The following CADM2 variants were observed in gnomAD, a reference collection of about 807,000 sequenced individuals.
The protein encoded by CADM2 is immunoglobulin superfamily member 4D.
CADM2 carries 12 observed loss-of-function variants against 49.8 expected under a neutral mutation model. The observed-to-expected ratio is 0.24, with a 90% CI of 0.15 to 0.39. The LOEUF (loss-of-function observed/expected upper bound fraction) is 0.39. Among genes scored for constraint, CADM2 ranks in the 10% least tolerant of loss-of-function variants. The probability of loss-of-function intolerance (pLI) is 1.00; values close to 1 mark genes in which losing one functional copy is unlikely to be tolerated. For synonymous variants in CADM2, 214 were observed against 175.4 expected (o/e 1.22, Z -1.74); for missense variants, 378 against 492.3 (o/e 0.77, Z 2.20).
chr3:85,290,879 G>T (rs561902176), intron 1 of CADM2, among the ~76,000 whole-genome samples: 1 of 152,206 alleles, frequency 6.6e-6, no homozygotes, highest in Admixed American at 6.5e-5. Flanking sequence ...AAAGCAGAGC[G>T]CCTCTCCTTC....
At chr3:85,914,327 A>T (rs541965096) in intron 6 of CADM2, among the ~76,000 whole-genome samples, 1 of 152,214 alleles carries the variant, frequency 6.6e-6, no homozygotes, top group South Asian at 2.1e-4. Context: ...TCCTGTGAGG[A>T]TGTGATGATA....
At chr3:85,108,271 G>C (rs1384064076) in intron 1 of CADM2, among the ~76,000 whole-genome samples, 1 of 152,166 alleles carries the variant, frequency 6.6e-6, no homozygotes, top group East Asian at 1.9e-4. Flanking sequence ...GTTTCTAGCA[G>C]CATTATTTAC....
At chr3:85,917,930 A>G (rs1038099875) in intron 6 of CADM2, among the ~76,000 whole-genome samples, 2 of 152,272 alleles carry the variant, frequency 1.3e-5, no homozygotes, top group Middle Eastern at 3.4e-3. Context: ...CTTTGAAGCA[A>G]TTGTGAATTG....
chr3:85,454,067 A>G (rs1351706593), intron 1 of CADM2, among the ~76,000 whole-genome samples: 1 of 152,296 alleles, frequency 6.6e-6, no homozygotes, highest in Non-Finnish European at 1.5e-5. Context: ...TTTAAAAAAT[A>G]CAAGCGGCTG....
chr3:85,802,350 G>A (rs983241662), intron 3 of CADM2, among the ~76,000 whole-genome samples, 154 bp downstream of exon 3: 2 of 152,054 alleles, frequency 1.3e-5, no homozygotes, highest in Admixed American at 1.3e-4. Flanking sequence ...ACTTTAGTTT[G>A]CAAGTCATAA....
intron 8 of CADM2, among the ~76,000 whole-genome samples, chr3:85,996,836 T>G (rs139888945): frequency 1.4e-4 from 22 of 152,296 alleles, no homozygotes; most frequent in African/African-American, 5.3e-4. Flanking sequence ...CCTAAACATC[T>G]AGTTTTAGTG....
intron 1 of CADM2, among the ~76,000 whole-genome samples, chr3:85,113,963 A>G (rs2038552610): frequency 1.3e-5 from 2 of 152,116 alleles, no homozygotes; most frequent in South Asian, 4.1e-4. Flanking sequence ...CCCCTCCACT[A>G]TAGATTCCTT....
intron 1 of CADM2, among the ~76,000 whole-genome samples, chr3:85,545,259 A>G (rs1267913215): frequency 6.6e-6 from 1 of 152,192 alleles, no homozygotes; most frequent in Non-Finnish European, 1.5e-5. Flanking sequence ...AGCACTTAAT[A>G]TGGTGGAAGT....
At chr3:85,494,417 C>A (rs899006079) in intron 1 of CADM2, among the ~76,000 whole-genome samples, 1 of 152,030 alleles carries the variant, frequency 6.6e-6, no homozygotes, top group Admixed American at 6.6e-5. Context: ...TGAGAGGTCA[C>A]CCAAAACATG....
At chr3:85,323,414 T>C (rs2044666992) in intron 1 of CADM2, among the ~76,000 whole-genome samples, 1 of 152,276 alleles carries the variant, frequency 6.6e-6, no homozygotes, top group Admixed American at 6.5e-5. Context: ...ACACTTTTTT[T>C]GGTTTCATGT....
Position 85,256,742 on chromosome 3 carries a change from C to T in CADM2, c.61+297074C>T, listed in dbSNP as rs375381968. Among the ~76,000 whole-genome samples the T allele has an allele frequency of 1.8e-3, 276 of 152,148 alleles. 1 individual carries two copies. The highest frequency in any genetic ancestry group is 6.3e-3 in the African/African-American group (262 of 41,540). On this transcript the variant is annotated intron_variant, in intron 1 of 9. Coordinates refer to ENST00000383699, the MANE Select transcript of CADM2 (RefSeq NM_001167675.2). The stretch of plus-strand genomic sequence containing the variant: ...ATTAAAAGCTCAACTGCATGTTTAG[C>T]GCACACCGTCCATTCTGTAACTGTT...
chr3:85,779,798 A>G (rs533408566), intron 2 of CADM2, among the ~76,000 whole-genome samples: 2 of 152,288 alleles, frequency 1.3e-5, no homozygotes, highest in South Asian at 4.1e-4. Context: ...TGGGAACTGC[A>G]TATTTGCTAA....
intron 1 of CADM2, among the ~76,000 whole-genome samples, chr3:85,364,827 T>A (rs1416473799): frequency 1.3e-5 from 2 of 151,990 alleles, no homozygotes; most frequent in Non-Finnish European, 2.9e-5. Context: ...GAACATACCC[T>A]TGTGGTTCTG....
Position 85,714,632 on chromosome 3 carries a change from G to T in CADM2, c.62-11890G>T, listed in dbSNP as rs940923253. On this transcript the variant is annotated intron_variant, in intron 1 of 9. Coordinates refer to ENST00000383699, the MANE Select transcript of CADM2 (RefSeq NM_001167675.2). ...TTTTTAGTAGAGACGGGGTTTCACC[G>T]TGTTAGCTAGGATGGTCTCGATCTC... Among the ~76,000 whole-genome samples, 10 of 151,882 alleles carry T rather than the reference G, an allele frequency of 6.6e-5. No homozygotes were observed. The East Asian group carries it at 1.8e-3, about 27-fold the overall frequency.
chr3:85,030,098 T>C (rs1267761881), intron 1 of CADM2, among the ~76,000 whole-genome samples: 1 of 152,212 alleles, frequency 6.6e-6, no homozygotes, highest in Non-Finnish European at 1.5e-5. Context: ...ACGTAATCGT[T>C]TCCAGAACTT....
chr3:85,970,583 A>G (rs1045396836), intron 8 of CADM2, among the ~76,000 whole-genome samples: 1 of 151,648 alleles, frequency 6.6e-6, no homozygotes, highest in African/African-American at 2.4e-5. Flanking sequence ...TTACCTTATC[A>G]TTTAATTTTT....
intron 1 of CADM2, among the ~76,000 whole-genome samples, chr3:84,961,468 G>A (rs2030505883): frequency 6.6e-6 from 1 of 152,156 alleles, no homozygotes; most frequent in Non-Finnish European, 1.5e-5. Context: ...ACACCGCCGA[G>A]TCCCATTTCT....
chr3:85,618,727 G>A (rs2063874735), intron 1 of CADM2, among the ~76,000 whole-genome samples: 2 of 151,816 alleles, frequency 1.3e-5, no homozygotes, highest in South Asian at 2.1e-4. Context: ...TCTATGTTTT[G>A]TATGTATAAT....
intron 1 of CADM2, among the ~76,000 whole-genome samples, chr3:85,372,697 G>A (rs2033338505): frequency 1.3e-5 from 2 of 152,012 alleles, no homozygotes; most frequent in South Asian, 4.1e-4. Context: ...CCAAGACTGG[G>A]TAATTTATAA....
Sources: allele counts gnomAD v4.1 joint callset (sites outside exome capture counted in the v4.1 genomes callset), GRCh38; gene constraint gnomAD v4.1.1; transcripts MANE v1.5; gene names NCBI Gene and HGNC (gene_info 2026-07-23, HGNC 2026-07-21).